C4orf50: variants seen among roughly 807,000 people sequenced by gnomAD.
C4orf50 encodes chromosome 4 open reading frame 50.
A neutral mutation model predicts 77.2 loss-of-function variants in C4orf50; 80 were observed. The observed-to-expected ratio is 1.04, with a 90% CI of 0.87 to 1.25. The LOEUF is 1.25. C4orf50 is among the 50% of genes most tolerant of loss of function. The probability of loss-of-function intolerance (pLI) is 0.00; values close to 1 mark genes in which losing one functional copy is unlikely to be tolerated. For synonymous variants in C4orf50, 532 were observed against 465.3 expected, an observed-to-expected ratio of 1.14 and a Z score of -1.84; for missense variants, 1,257 against 1,152.9, an observed-to-expected ratio of 1.09 and a Z score of -1.31.
chr4:5,941,586 G>C (rs1718267594), intron 7 of C4orf50, among the ~76,000 whole-genome samples: 1 of 152,176 alleles, frequency 6.6e-6, no homozygotes, highest in Non-Finnish European at 1.5e-5. Context: ...TGCCTGCAGT[G>C]TGCCCAATAC....
At chr4:5,924,824 A>C (rs7675169) in intron 7 of C4orf50, among the ~76,000 whole-genome samples, 66,673 of 152,056 alleles carry the variant, frequency 0.44, 15,132 homozygotes, top group East Asian at 0.77. Flanking sequence ...TGGAACATCC[A>C]AGTGGGAACA....
chr4:6,002,655 C>A (rs527634012), intron 25 of C4orf50, among the ~76,000 whole-genome samples: 1 of 152,328 alleles, frequency 6.6e-6, no homozygotes, highest in East Asian at 1.9e-4. Context: ...GAGCTTCCCC[C>A]CACCAGGTGG....
intron 7 of C4orf50, among the ~76,000 whole-genome samples, chr4:5,925,541 G>T (rs1717478725): frequency 6.6e-6 from 1 of 152,246 alleles, no homozygotes; most frequent in Non-Finnish European, 1.5e-5. Context: ...CCTGGCCCCG[G>T]GAAACGCAGA....
At chr4:5,954,959 C>A (rs1283516198), downstream of C4orf50, among the ~76,000 whole-genome samples, 4 of 152,104 alleles carry the variant, frequency 2.6e-5, no homozygotes, top group African/African-American at 7.2e-5. The surrounding 1 kb of genome is among the most constrained non-coding windows in gnomAD (Gnocchi z 4.7). Context: ...AGGCTCGTTA[C>A]AACCCCTGCA....
intron 7 of C4orf50, among the ~76,000 whole-genome samples, chr4:5,938,303 G>C (rs578016974): frequency 6.6e-6 from 1 of 152,314 alleles, no homozygotes; most frequent in East Asian, 1.9e-4. Flanking sequence ...GAATTTGAAA[G>C]TATCCTTCTA....
chr4:5,918,035 C>T (rs1248050574), intron 7 of C4orf50, among the ~76,000 whole-genome samples: 1 of 152,096 alleles, frequency 6.6e-6, no homozygotes, highest in Non-Finnish European at 1.5e-5. Flanking sequence ...AAGCAGGTAA[C>T]GAAAGGGCAA....
In C4orf50 at chr4:5,990,044, GTGCCACT is replaced by G. The variant is rs1721168702; in HGVS notation, c.1995_2001del (p.Glu665AspfsTer60). The G allele has an allele frequency of 7.4e-7, 1 of 1,349,400 alleles. No homozygotes were observed. The highest frequency in any genetic ancestry group is 1.5e-5 in the African/African-American group (1 of 68,734). 83.6% of individuals were successfully genotyped at this position (1,349,400 alleles called of 1,614,324 possible). A position where few individuals can be genotyped will look rare whatever the true frequency, so the allele number is the denominator to read the frequency against. On this transcript the variant is annotated frameshift_variant, in exon 28 of 34. Coordinates refer to ENST00000531445, the Ensembl canonical transcript of C4orf50. LOFTEE classifies it high-confidence loss of function. ...TGAGCCCTGGAGAAGGTGGCTGGGG[GTGCCACT>G]TCCTCATTCTCTGATGACAGTCCTC...
downstream of C4orf50, among the ~76,000 whole-genome samples, chr4:5,955,027 A>T (rs1234189478): frequency 6.6e-6 from 1 of 151,618 alleles, no homozygotes; most frequent in African/African-American, 2.4e-5. This position sits in a 1 kb window ranked among gnomAD's most constrained non-coding sequence, Gnocchi z 5.1. Context: ...CTTCCCTCTG[A>T]CCCCTGCTGT....
At chr4:5,994,434 T>A (rs1315859468) in exon 26 of C4orf50, 3 of 398,970 alleles carry the variant, frequency 7.5e-6, no homozygotes, top group Non-Finnish European at 1.3e-5. Context: ...GCCTCCTCCC[T>A]GGGCAGGGGC....
At chr4:5,915,146 T>C (rs1374355591) in intron 7 of C4orf50, among the ~76,000 whole-genome samples, 1 of 152,202 alleles carries the variant, frequency 6.6e-6, no homozygotes, top group African/African-American at 2.4e-5. Context: ...CTTTCTAGAC[T>C]GTAAATCTAG....
chr4:5,956,054 C>CA (rs2108759521), downstream of C4orf50, among the ~76,000 whole-genome samples: 1 of 152,318 alleles, frequency 6.6e-6, no homozygotes, highest in South Asian at 2.1e-4. Flanking sequence ...GATACACAGT[C>CA]ACGCATATAA....
At chr4:5,978,131 T>A (rs574997954) in intron 29 of C4orf50, among the ~76,000 whole-genome samples, 1 of 152,354 alleles carries the variant, frequency 6.6e-6, no homozygotes, top group African/African-American at 2.4e-5. Context: ...AATCTCCCAC[T>A]AACTAGGATG....
At chr4:5,955,385 C>T (rs1025057062), downstream of C4orf50, among the ~76,000 whole-genome samples, 4 of 152,024 alleles carry the variant, frequency 2.6e-5, no homozygotes, top group Non-Finnish European at 5.9e-5. This position sits in a 1 kb window ranked among gnomAD's most constrained non-coding sequence, Gnocchi z 5.1. Context: ...CTGCCTCCAG[C>T]GTTACAGGGG....
downstream of C4orf50, among the ~76,000 whole-genome samples, chr4:5,954,968 C>A (rs1211994307): frequency 6.6e-6 from 1 of 152,084 alleles, no homozygotes; most frequent in Non-Finnish European, 1.5e-5. The surrounding 1 kb of genome is among the most constrained non-coding windows in gnomAD (Gnocchi z 4.7). Flanking sequence ...ACAACCCCTG[C>A]AGACCTCTGC....
Position 5,940,450 on chromosome 4 carries a change from G to T in C4orf50, c.*2474+16451C>A, listed in dbSNP as rs533519313. Among the ~76,000 whole-genome samples the T allele has an allele frequency of 2.0e-5, 3 of 152,324 alleles. No individual in the cohort carries two copies. In the South Asian group the frequency reaches 6.2e-4, roughly 32 times the overall value. On this transcript the variant is annotated intron_variant, in intron 7 of 7. Coordinates refer to the C4orf50 transcript ENST00000324058. Reference sequence around the variant, plus strand: ...CCATATCAGATGCCTTAATGGCTTGGCAGAGTTGGCCTGAATATAGTATTC... The same window carrying T: ...CCATATCAGATGCCTTAATGGCTTGTCAGAGTTGGCCTGAATATAGTATTC...
rs1300821907 is a variant in C4orf50, at chr4:6,015,849, CCT to C, written c.287+2294_287+2295del. 1.3e-5 allele frequency among the ~76,000 whole-genome samples: 2 copies of C among 152,204 alleles called. No individual in the cohort carries two copies. The highest frequency in any genetic ancestry group is 2.9e-5 in the Non-Finnish European group (2 of 68,028). ...CCACACTGCCATCCCTAGACTCAAC[CCT>C]CTCTGTCTCCCTCTCGCAAGGATAC... On this transcript the variant is annotated intron_variant, in intron 23 of 33. Coordinates refer to ENST00000531445, the Ensembl canonical transcript of C4orf50. The surrounding 1 kb of genome is among the most constrained non-coding windows in gnomAD (Gnocchi z 4.4).
At chr4:5,950,055 G>A (rs1223887658) in intron 7 of C4orf50, among the ~76,000 whole-genome samples, 1 of 150,820 alleles carries the variant, frequency 6.6e-6, no homozygotes, top group Non-Finnish European at 1.5e-5. Flanking sequence ...TGCAAAAGTT[G>A]GCGCAAAAAA....
intron 7 of C4orf50, among the ~76,000 whole-genome samples, chr4:5,950,123 C>T (rs762490925): frequency 3.9e-5 from 6 of 152,114 alleles, no homozygotes; most frequent in Non-Finnish European, 5.9e-5. Flanking sequence ...TTGCACCAAC[C>T]TATACGTTCT....
rs1184865475 is a variant in C4orf50 at position 6,008,284 on chromosome 4, G to A, written c.675C>T (p.Thr225=). ...TGGCGCCCTGGGAGCCTGGGGCCGC[G>A]GTGTCCCACTGGGCCAGCAGGAGGC... Residue 225 remains threonine (T), a synonymous_variant, in exon 25 of 34, where the codon ACC becomes ACT. Coordinates refer to ENST00000531445, the Ensembl canonical transcript of C4orf50. This position sits in a 1 kb window ranked among gnomAD's most constrained non-coding sequence, Gnocchi z 6.0. 5.1e-6 allele frequency: 2 copies of A among 391,176 alleles called. No homozygotes were observed. Among genetic ancestry groups the A allele is most frequent in the African/African-American group, 2.1e-5 (1 of 48,194 alleles). 24.2% of individuals were successfully genotyped at this position (391,176 alleles called of 1,614,324 possible).
Sources: allele counts gnomAD v4.1 joint callset (sites outside exome capture counted in the v4.1 genomes callset), GRCh38; gene constraint gnomAD v4.1.1; non-coding constraint Gnocchi (gnomAD v3.1); transcripts MANE v1.5; gene names NCBI Gene and HGNC (gene_info 2026-07-23, HGNC 2026-07-21).